CERS6: variants seen among roughly 807,000 people sequenced by gnomAD.
CERS6 encodes the protein LAG1 homolog, ceramide synthase 6.
CERS6 carries 26 observed loss-of-function variants against 56.8 expected under a neutral mutation model. That is an observed-to-expected ratio of 0.46 (90% confidence interval 0.34 to 0.63). The LOEUF is 0.63. Among genes scored for constraint, CERS6 ranks in the 30% least tolerant of loss-of-function variants. The probability of loss-of-function intolerance (pLI) is 0.01; values close to 1 mark genes in which losing one functional copy is unlikely to be tolerated. For synonymous variants in CERS6, 164 were observed against 173.3 expected, an observed-to-expected ratio of 0.95 and a Z score of 0.42; for missense variants, 415 against 467.5, an observed-to-expected ratio of 0.89 and a Z score of 1.04.
At chr2:168,561,679 T>C (rs1191029645) in intron 3 of CERS6, among the ~76,000 whole-genome samples, 1 of 152,224 alleles carries the variant, frequency 6.6e-6, no homozygotes, top group Non-Finnish European at 1.5e-5. Context: ...AGGTTCTTCC[T>C]ACTAATAAAA....
rs150127327 is a variant in CERS6 at position 168,724,269 on chromosome 2, G to A, written c.845+6291G>A. 7.1e-3 allele frequency among the ~76,000 whole-genome samples: 1,082 copies of A among 152,096 alleles called. 13 individuals are homozygous for A. The highest frequency in any genetic ancestry group is 0.024 in the African/African-American group (990 of 41,484). ...TTCCTCCCGGTGGGCTCGTGGTCTCGCTGGCTCAGGAGTGAAGCTGCAGAC... is the reference window on the plus strand; with the variant it reads ...TTCCTCCCGGTGGGCTCGTGGTCTCACTGGCTCAGGAGTGAAGCTGCAGAC... On this transcript the variant is annotated intron_variant, in intron 8 of 9. Coordinates refer to ENST00000305747, the MANE Select transcript of CERS6 (RefSeq NM_203463.3).
chr2:168,766,312 A>T, intron 9 of CERS6: 2 of 1,597,740 alleles, frequency 1.3e-6, no homozygotes, highest in Non-Finnish European at 1.7e-6. Context: ...TCCTTCTGCT[A>T]CCCTGGAAGG....
intron 1 of CERS6, among the ~76,000 whole-genome samples, chr2:168,473,748 A>T (rs1694019572): frequency 6.6e-6 from 1 of 152,208 alleles, no homozygotes; most frequent in Non-Finnish European, 1.5e-5. Flanking sequence ...AAATAAAAAA[A>T]CACACAGCCA....
intron 1 of CERS6, among the ~76,000 whole-genome samples, chr2:168,466,664 TG>T (rs1427050251): frequency 6.6e-6 from 1 of 152,238 alleles, no homozygotes; most frequent in Non-Finnish European, 1.5e-5. Flanking sequence ...TGGGCAGTGC[TG>T]TTTTTCTTCT....
chr2:168,540,115 T>A (rs558711048), intron 1 of CERS6, among the ~76,000 whole-genome samples: 2 of 152,202 alleles, frequency 1.3e-5, no homozygotes, highest in South Asian at 4.2e-4. Context: ...TTTCATTCTT[T>A]GAAGGATATT....
intron 1 of CERS6, among the ~76,000 whole-genome samples, chr2:168,540,552 G>A (rs570653525): frequency 1.3e-5 from 2 of 152,180 alleles, no homozygotes; most frequent in Non-Finnish European, 2.9e-5. Context: ...TATCTTAGGC[G>A]TGTAGTAGGC....
At chr2:168,464,636 G>A (rs1342122796) in intron 1 of CERS6, among the ~76,000 whole-genome samples, 1 of 151,178 alleles carries the variant, frequency 6.6e-6, no homozygotes, top group Non-Finnish European at 1.5e-5. Flanking sequence ...AGGGCTGGGA[G>A]GAAGACTGAG....
chr2:168,658,654 C>T (rs1039771391), intron 4 of CERS6, among the ~76,000 whole-genome samples: 49 of 152,232 alleles, frequency 3.2e-4, no homozygotes, highest in African/African-American at 1.1e-3. Flanking sequence ...TGTTTGCCTC[C>T]TTTGACTGGC....
chr2:168,525,258 C>T lies in CERS6; in HGVS notation c.171-22338C>T, dbSNP rs73969237. ...GTTAAACCCAGGTTGCTAGGCCCCA[C>T]GCCCAGAGTTGTTGATTTAGTAGGG... On this transcript the variant is annotated intron_variant, in intron 1 of 9. Transcript: ENST00000305747. Among the ~76,000 whole-genome samples, 820 of 152,308 alleles carry T rather than the reference C, an allele frequency of 5.4e-3. 10 individuals are homozygous for T. Among genetic ancestry groups the T allele is most frequent in the African/African-American group, 0.019 (769 of 41,562 alleles).
intron 3 of CERS6, among the ~76,000 whole-genome samples, chr2:168,587,510 A>G (rs1374248922): frequency 6.6e-6 from 1 of 152,198 alleles, no homozygotes; most frequent in Non-Finnish European, 1.5e-5. Flanking sequence ...TGTGTAATGA[A>G]GGTTTTCTTG....
intron 3 of CERS6, among the ~76,000 whole-genome samples, chr2:168,626,199 C>G (rs977290470): frequency 6.6e-6 from 1 of 152,078 alleles, no homozygotes; most frequent in African/African-American, 2.4e-5. Context: ...GGAACAGTTT[C>G]ATTAAATGAC....
intron 4 of CERS6, among the ~76,000 whole-genome samples, chr2:168,686,636 A>G (rs766206118): frequency 7.9e-5 from 12 of 152,064 alleles, no homozygotes; most frequent in Non-Finnish European, 1.6e-4. Context: ...ATTTGGGGGA[A>G]TCTATTCCAA....
In CERS6 at chr2:168,501,309, A is replaced by G. The variant is rs569272361; in HGVS notation, c.170+44691A>G. Among the ~76,000 whole-genome samples, 7 of 152,356 alleles carry G rather than the reference A, an allele frequency of 4.6e-5. No homozygotes were observed. In the East Asian group the frequency reaches 1.3e-3, roughly 29 times the overall value. ...TAAATTAACAGCACAAGGATTAGTC[A>G]ACAATATTTGATAAGGCTGTTTCCA... is the stretch of plus-strand genomic sequence containing the variant. On this transcript the variant is annotated intron_variant, in intron 1 of 9. Coordinates refer to ENST00000305747, the MANE Select transcript of CERS6 (RefSeq NM_203463.3).
intron 3 of CERS6, among the ~76,000 whole-genome samples, chr2:168,624,592 A>C (rs1482370425): frequency 6.6e-6 from 1 of 152,136 alleles, no homozygotes; most frequent in Non-Finnish European, 1.5e-5. Flanking sequence ...ACTGTTTTGT[A>C]AAAATAAATA....
chr2:168,721,819 TGCATTGCTTAG>T (rs1347353421), intron 8 of CERS6, among the ~76,000 whole-genome samples: 1 of 152,006 alleles, frequency 6.6e-6, no homozygotes. Flanking sequence ...GGGGTCTCAC[TGCATTGCTTAG>T]GCTAGTCTTG....
At chr2:168,715,946 A>G (rs1687217046) in intron 7 of CERS6, among the ~76,000 whole-genome samples, 1 of 151,940 alleles carries the variant, frequency 6.6e-6, no homozygotes, top group Non-Finnish European at 1.5e-5. Flanking sequence ...CTTTAGGCCC[A>G]CCGTTTTGCT....
intron 8 of CERS6, among the ~76,000 whole-genome samples, chr2:168,754,159 G>A (rs560736960): frequency 6.6e-6 from 1 of 152,230 alleles, no homozygotes; most frequent in African/African-American, 2.4e-5. Context: ...ATGGGTCCGT[G>A]TCTCAGAGAT....
chr2:168,621,211 AAAT>A (rs1443394798), intron 3 of CERS6, among the ~76,000 whole-genome samples: 3 of 152,322 alleles, frequency 2.0e-5, no homozygotes, highest in Admixed American at 6.5e-5. Context: ...GTTTGACTCT[AAAT>A]AATAATAAAC....
intron 8 of CERS6, among the ~76,000 whole-genome samples, chr2:168,726,057 C>G (rs1337309093): frequency 1.3e-5 from 2 of 152,218 alleles, no homozygotes; most frequent in Admixed American, 6.5e-5. Flanking sequence ...TGTACTCAAA[C>G]TCATTGTAAC....
Sources: gnomAD v4.1 joint callset for allele counts (sites outside exome capture counted in the v4.1 genomes callset) on GRCh38, gnomAD v4.1.1 for gene constraint, MANE v1.5 for transcripts, NCBI Gene and HGNC (gene_info 2026-07-23, HGNC 2026-07-21) for gene names.